The following ARHGEF10 variants were observed in gnomAD, a reference collection of about 807,000 sequenced individuals.
ARHGEF10 encodes the protein Rho guanine nucleotide exchange factor (GEF) 10.
A neutral mutation model predicts 147.4 loss-of-function variants in ARHGEF10; 140 were observed. The observed-to-expected ratio is 0.95, with a 90% confidence interval of 0.83 to 1.09. The LOEUF is 1.09. ARHGEF10 is among the 50% of genes least tolerant of loss of function. The pLI, the probability that ARHGEF10 is intolerant of heterozygous loss-of-function variation, is 0.00. For missense variants in ARHGEF10, 2,222 were observed against 1,752.7 expected, an observed-to-expected ratio of 1.27 and a Z score of -4.78; for synonymous variants, 902 against 695.8, an observed-to-expected ratio of 1.30 and a Z score of -4.67.
At chr8:1,852,156 C>T (rs1805204472) in intron 2 of ARHGEF10, among the ~76,000 whole-genome samples, 1 of 152,186 alleles carries the variant, frequency 6.6e-6, no homozygotes, top group East Asian at 1.9e-4. Context: ...ACACTGGCCA[C>T]CCCAAGTGCA....
intron 1 of ARHGEF10, among the ~76,000 whole-genome samples, chr8:1,839,985 G>GGGAC (rs1390602796): frequency 6.7e-6 from 1 of 148,934 alleles, no homozygotes; most frequent in Non-Finnish European, 1.5e-5. Context: ...AAGCTGTCTG[G>GGGAC]TGTGGGGACT....
At chr8:1,830,539 TGACAA>T (rs1803032385) in intron 1 of ARHGEF10, among the ~76,000 whole-genome samples, 1 of 152,216 alleles carries the variant, frequency 6.6e-6, no homozygotes, top group South Asian at 2.1e-4. Flanking sequence ...TGTGGCCATA[TGACAA>T]GCACCGGCAA....
intron 7 of ARHGEF10, chr8:1,876,344 G>C: frequency 1.7e-6 from 1 of 591,418 alleles, no homozygotes; most frequent in East Asian, 2.9e-5. Context: ...GCACTTGTGA[G>C]AAACACCTGA....
chr8:1,903,488 A>AT (rs1563261457), intron 16 of ARHGEF10, 37 bp downstream of exon 16: 1 of 1,611,542 alleles, frequency 6.2e-7, no homozygotes, highest in Admixed American at 1.7e-5. Context: ...TTCCAAAATT[A>AT]TTTTTGCTTT....
rs1256561568 is a variant in ARHGEF10 at position 1,903,453 on chromosome 8, T to C, written c.1821+2T>C. On this transcript the variant is annotated splice_donor_variant, in intron 16 of 28. Transcript: ENST00000349830. LOFTEE classifies it high-confidence loss of function. The stretch of plus-strand genomic sequence containing the variant: ...ATAAACGAAAGATACCTGAACAAGG[T>C]TGAGAGAGGTTTTCTTCAACTCTAT... 1.2e-6 allele frequency: 2 copies of C among 1,613,960 alleles called. No individual in the cohort carries two copies. Among genetic ancestry groups the C allele is most frequent in the Non-Finnish European group, 1.7e-6 (2 of 1,180,020 alleles).
chr8:1,832,218 G>A (rs1803157565), intron 1 of ARHGEF10, among the ~76,000 whole-genome samples: 1 of 128,318 alleles, frequency 7.8e-6, no homozygotes. Flanking sequence ...AGCGTCCGTA[G>A]ATGCCCGGAG....
At chr8:1,928,209 G>A (rs548079906) in intron 23 of ARHGEF10, among the ~76,000 whole-genome samples, 225 of 152,236 alleles carry the variant, frequency 1.5e-3, no homozygotes, top group Non-Finnish European at 2.1e-3. Context: ...TGAAAGTTAC[G>A]CTTTTGCTTT....
At chr8:1,910,681 A>C (rs761217546) in intron 18 of ARHGEF10, among the ~76,000 whole-genome samples, 2 of 152,188 alleles carry the variant, frequency 1.3e-5, no homozygotes, top group African/African-American at 2.4e-5. Context: ...CATTTTATTC[A>C]AGAGCAAATT....
chr8:1,852,031 C>T (rs4556124), intron 2 of ARHGEF10, among the ~76,000 whole-genome samples: 67,143 of 151,898 alleles, frequency 0.44, 16,443 homozygotes, highest in Non-Finnish European at 0.56. Context: ...TCAGACAGGC[C>T]GTTAGCCGTC....
chr8:1,857,993 A>T lies in ARHGEF10; in HGVS notation c.71A>T (p.Glu24Val). 6.2e-7 allele frequency: 1 copy of T among 1,614,078 alleles called. No individual in the cohort carries two copies. Among genetic ancestry groups the T allele is most frequent in the Non-Finnish European group, 8.5e-7 (1 of 1,179,990 alleles). The change falls in exon 3 of 29, where the codon GAA becomes GTA. Residue 24 changes from glutamate (E) to valine (V), a missense_variant. Coordinates refer to ENST00000349830, the MANE Select transcript of ARHGEF10 (RefSeq NM_014629.4). ...NEMKYDTNNN[E>V]EEEGEQFDFD... ...ATGAAATATGATACCAATAATAATG[A>T]AGAGGAAGAGGGAGAACAGTTCGAT...
At position 1,876,720 on chromosome 8, in the gene ARHGEF10, A is replaced by C; in HGVS notation, c.829A>C (p.Asn277His). 1 of 1,614,222 alleles carries C rather than the reference A, an allele frequency of 6.2e-7. No individual in the cohort carries two copies. The highest frequency in any genetic ancestry group is 8.5e-7 in the Non-Finnish European group (1 of 1,180,040). Residue 277 changes from asparagine (N) to histidine (H), a missense_variant, in exon 8 of 29, where the codon AAC becomes CAC. Transcript: ENST00000349830. ...NGIPRSFLRSNHKKQLSHDLT... is the reference protein window; with the variant it reads ...NGIPRSFLRSHHKKQLSHDLT... Reference sequence around the variant, plus strand: ...GATTCCCAGGTCCTTCCTGCGCAGCAACCACAAAAAGCAAGTACGTGTTCC... The same window carrying C: ...GATTCCCAGGTCCTTCCTGCGCAGCCACCACAAAAAGCAAGTACGTGTTCC...
intron 26 of ARHGEF10, among the ~76,000 whole-genome samples, chr8:1,938,585 T>G (rs1195134360): frequency 6.6e-6 from 1 of 151,228 alleles, no homozygotes; most frequent in Non-Finnish European, 1.5e-5. Context: ...CAGCAATGCG[T>G]TTTTTTTCTC....
chr8:1,899,762 C>T (rs1422621708), intron 15 of ARHGEF10, among the ~76,000 whole-genome samples: 5 of 152,230 alleles, frequency 3.3e-5, no homozygotes, highest in Admixed American at 3.3e-4. Context: ...CAAATATGTA[C>T]TGAGTTCTAA....
intron 11 of ARHGEF10, among the ~76,000 whole-genome samples, chr8:1,887,646 A>G: frequency 7.9e-6 from 1 of 126,590 alleles, no homozygotes; most frequent in East Asian, 3.2e-4. Flanking sequence ...GAGTGAGCTG[A>G]GAGTCTGTGA....
At chr8:1,855,706 A>G (rs1313055545) in intron 2 of ARHGEF10, among the ~76,000 whole-genome samples, 13 of 151,802 alleles carry the variant, frequency 8.6e-5, no homozygotes, top group Non-Finnish European at 1.9e-4. Flanking sequence ...AAACATTTTC[A>G]CTGATCATTT....
intron 28 of ARHGEF10, among the ~76,000 whole-genome samples, chr8:1,954,845 C>A (rs921110856): frequency 5.3e-5 from 8 of 152,268 alleles, no homozygotes; most frequent in Non-Finnish European, 1.0e-4. Flanking sequence ...TTTCTCTCAG[C>A]CTTGCTGGGG....
Position 1,923,435 on chromosome 8 carries a change from CT to C in ARHGEF10, c.2260-29del, listed in dbSNP as rs764151016. The stretch of plus-strand genomic sequence containing the variant: ...TTGGGATGGCCCTAGTTTTTAAACA[CT>C]TTTGAAATGTGCGTATTTATTTCCT... On this transcript the variant is annotated intron_variant, in intron 19 of 28. Coordinates refer to ENST00000349830, the MANE Select transcript of ARHGEF10 (RefSeq NM_014629.4). 71 of 1,614,086 alleles carry C rather than the reference CT, an allele frequency of 4.4e-5. No homozygotes were observed. In the African/African-American group the frequency reaches 7.5e-4, roughly 17 times the overall value.
At chr8:1,895,341 A>AGGG (rs1301223177) in intron 13 of ARHGEF10, among the ~76,000 whole-genome samples, 10 of 152,252 alleles carry the variant, frequency 6.6e-5, no homozygotes, top group African/African-American at 2.4e-4. Flanking sequence ...ATGCTATCAA[A>AGGG]GGGATATAAG....
chr8:1,894,624 C>T (rs911909422), intron 13 of ARHGEF10, 52 bp downstream of exon 13: 3 of 1,588,724 alleles, frequency 1.9e-6, no homozygotes, highest in African/African-American at 1.3e-5. Flanking sequence ...TGCACCTGTC[C>T]TCTCTTCCCT....
Sources: allele counts gnomAD v4.1 joint callset (sites outside exome capture counted in the v4.1 genomes callset), GRCh38; gene constraint gnomAD v4.1.1; transcripts MANE v1.5; gene names NCBI Gene and HGNC (gene_info 2026-07-23, HGNC 2026-07-21).